DYNLRB2: variants seen among roughly 807,000 people sequenced by gnomAD.
DYNLRB2 encodes the protein bithoraxoid-like protein.
DYNLRB2 carries 14 observed loss-of-function variants against 12.6 expected under a neutral mutation model. The ratio of observed to expected loss-of-function variants is 1.11; its 90% CI spans 0.73 to 1.73. The LOEUF is 1.73. DYNLRB2 is among the 40% of genes most tolerant of loss of function. The pLI is 0.00. For synonymous variants in DYNLRB2, 53 were observed against 37.0 expected, an observed-to-expected ratio of 1.43 and a Z score of -1.57; for missense variants, 142 against 117.7, an observed-to-expected ratio of 1.21 and a Z score of -0.95.
intron 2 of DYNLRB2, among the ~76,000 whole-genome samples, chr16:80,546,785 G>A (rs368806342): frequency 6.6e-6 from 1 of 152,166 alleles, no homozygotes; most frequent in Non-Finnish European, 1.5e-5. Context: ...TATCATTTGA[G>A]TTTCATTAGA....
In DYNLRB2 at chr16:80,549,526, A is replaced by G; in HGVS notation, c.122A>G (p.Gln41Arg). The G allele has an allele frequency of 6.2e-7, 1 of 1,612,974 alleles. No individual in the cohort carries two copies. The highest frequency in any genetic ancestry group is 8.5e-7 in the Non-Finnish European group (1 of 1,179,236). The change falls in exon 3 of 4, where the codon CAA (glutamine) becomes CGA (arginine). Residue 41 changes from glutamine to arginine, a missense_variant. Coordinates refer to ENST00000305904, the MANE Select transcript of DYNLRB2 (RefSeq NM_130897.3). ...RTTLDNSTTV[Q>R]YAGLLHHLTM... ...ACCTTGGACAACTCAACAACTGTTC[A>G]ATATGCAGGCCTTCTTCATCACCTG...
upstream of DYNLRB2, chr16:80,540,783 ACAGGCC>A (rs771351866): frequency 1.1e-5 from 8 of 703,836 alleles, no homozygotes; most frequent in South Asian, 1.2e-4. Context: ...ATGGACAAAC[ACAGGCC>A]GGGAGCCTGA....
At chr16:80,549,014 G>A in intron 2 of DYNLRB2, 1 of 455,962 alleles carries the variant, frequency 2.2e-6, no homozygotes, top group Non-Finnish European at 4.4e-6. Context: ...ATGTTCAGGG[G>A]AGTGCATTTC....
Position 80,549,573 on chromosome 16 carries a change from G to C in DYNLRB2, c.169G>C (p.Val57Leu), listed in dbSNP as rs764515221. 2 of 1,612,734 alleles carry C rather than the reference G, an allele frequency of 1.2e-6. No individual in the cohort carries two copies. Among genetic ancestry groups the C allele is most frequent in the Non-Finnish European group, 1.7e-6 (2 of 1,179,156 alleles). The change falls in exon 3 of 4, where the codon GTT (valine) becomes CTT (leucine). Residue 57 changes from valine to leucine, a missense_variant. Coordinates refer to ENST00000305904, the MANE Select transcript of DYNLRB2 (RefSeq NM_130897.3). ...HHLTMKAKSTVRDIDPQNDLT... is the reference protein window; with the variant it reads ...HHLTMKAKSTLRDIDPQNDLT... ...CCTGACAATGAAAGCCAAAAGCACA[G>C]TTCGTGATATTGATCCTCAGAACGA...
chr16:80,550,667 C>G lies in DYNLRB2; in HGVS notation c.*109C>G, dbSNP rs556489308. The G allele has an allele frequency of 1.7e-4, 210 of 1,224,624 alleles. No individual in the cohort carries two copies. The African/African-American group carries it at 2.9e-3, about 17-fold the overall frequency. The allele number at this position is 1,224,624 out of a possible 1,614,324, so 75.9% of individuals were successfully genotyped here. ...TAACTGACCCTTCAAACATTCTTTT[C>G]TATTTCTATATCTAAACTGTTCTGC... is the stretch of plus-strand genomic sequence containing the variant. On this transcript the variant is annotated 3_prime_UTR_variant, in exon 4 of 4. Transcript: ENST00000305904.
intron 2 of DYNLRB2, among the ~76,000 whole-genome samples, chr16:80,548,726 C>CA (rs5818303): frequency 1.1e-3 from 140 of 128,338 alleles, no homozygotes; most frequent in Middle Eastern, 8.3e-3. Flanking sequence ...GACTCCGTCT[C>CA]AAAAAAAAAA....
At chr16:80,541,482 A>G (rs1165829949) in intron 1 of DYNLRB2, 6 of 766,436 alleles carry the variant, frequency 7.8e-6, no homozygotes, top group Non-Finnish European at 8.0e-6. Flanking sequence ...GGACAGGGAA[A>G]GCAAGGGAAT....
Position 80,549,596 on chromosome 16 carries a change from C to G in DYNLRB2, c.192C>G (p.Asn64Lys), listed in dbSNP as rs146088582. 1 of 1,612,692 alleles carries G rather than the reference C, an allele frequency of 6.2e-7. No homozygotes were observed. Among genetic ancestry groups the G allele is most frequent in the Non-Finnish European group, 8.5e-7 (1 of 1,179,054 alleles). Residue 64 changes from asparagine (N) to lysine (K), a missense_variant, in exon 3 of 4, where the codon AAC (asparagine) becomes AAG (lysine). Coordinates refer to ENST00000305904, the MANE Select transcript of DYNLRB2 (RefSeq NM_130897.3). The stretch of plus-strand genomic sequence containing the variant: ...CAGTTCGTGATATTGATCCTCAGAA[C>G]GACCTGACTTTTCTTAGGATCAGAT... ...KSTVRDIDPQ[N>K]DLTFLRIRSK...
chr16:80,546,048 G>C (rs1377398349), intron 2 of DYNLRB2, among the ~76,000 whole-genome samples: 1 of 151,982 alleles, frequency 6.6e-6, no homozygotes, highest in East Asian at 1.9e-4. Context: ...AAGGTTTCTG[G>C]GTACTTAAGA....
upstream of DYNLRB2, chr16:80,540,937 G>T (rs1909284778): frequency 6.7e-7 from 1 of 1,495,866 alleles, no homozygotes; most frequent in Admixed American, 1.9e-5. Context: ...CGAAAAAGCC[G>T]ACTCGCGAGC....
chr16:80,544,526 C>G (rs1365181886), intron 2 of DYNLRB2, among the ~76,000 whole-genome samples: 2 of 152,146 alleles, frequency 1.3e-5, no homozygotes, highest in Admixed American at 6.5e-5. Context: ...AGCCCTAGTA[C>G]GTGGATCTGG....
chr16:80,550,269 G>A (rs1053579357), intron 3 of DYNLRB2, among the ~76,000 whole-genome samples: 1 of 152,174 alleles, frequency 6.6e-6, no homozygotes, highest in Non-Finnish European at 1.5e-5. Flanking sequence ...ATCACTTGGA[G>A]GACATTTTAA....
chr16:80,541,796 G>A (rs897176022), intron 1 of DYNLRB2, among the ~76,000 whole-genome samples: 1 of 152,080 alleles, frequency 6.6e-6, no homozygotes, highest in Non-Finnish European at 1.5e-5. Context: ...GATAAATAAG[G>A]ACACAGTGGC....
In DYNLRB2 at chr16:80,549,499, C is replaced by A. The variant is rs1020817808; in HGVS notation, c.95C>A (p.Thr32Lys). 6.3e-7 allele frequency: 1 copy of A among 1,596,316 alleles called. No individual in the cohort carries two copies. Among genetic ancestry groups the A allele is most frequent in the Non-Finnish European group, 8.5e-7 (1 of 1,170,062 alleles). Residue 32 changes from threonine to lysine, a missense_variant, in exon 3 of 4, where the codon ACA (threonine) becomes AAA (lysine). Transcript: ENST00000305904. ...VVNAEGIPIR[T>K]TLDNSTTVQY... Reference sequence around the variant, plus strand: ...TTCATAATAGGTATTCCCATCCGAACAACCTTGGACAACTCAACAACTGTT... The same window carrying A: ...TTCATAATAGGTATTCCCATCCGAAAAACCTTGGACAACTCAACAACTGTT...
At chr16:80,550,460 A>T in intron 3 of DYNLRB2, 55 bp from the exon 4 acceptor site, 1 of 1,602,428 alleles carries the variant, frequency 6.2e-7, no homozygotes, top group African/African-American at 1.3e-5. Context: ...TAGTTGAAAT[A>T]TTCCTTGATT....
intron 2 of DYNLRB2, among the ~76,000 whole-genome samples, chr16:80,545,570 T>A (rs1904401668): frequency 6.6e-6 from 1 of 151,924 alleles, no homozygotes; most frequent in Admixed American, 6.6e-5. Context: ...GGTAGTGAGA[T>A]GAAAAGTGAT....
At chr16:80,546,187 A>G (rs1335849250) in intron 2 of DYNLRB2, among the ~76,000 whole-genome samples, 2 of 152,254 alleles carry the variant, frequency 1.3e-5, no homozygotes, top group African/African-American at 2.4e-5. Flanking sequence ...GGTGTAAGCT[A>G]CGTGACCAGA....
chr16:80,543,725 A>G (rs1201421236), intron 2 of DYNLRB2, among the ~76,000 whole-genome samples: 1 of 152,242 alleles, frequency 6.6e-6, no homozygotes, highest in Non-Finnish European at 1.5e-5. Context: ...AACATTATGA[A>G]CCATACAGAA....
At chr16:80,544,956 A>C (rs1185002979) in intron 2 of DYNLRB2, among the ~76,000 whole-genome samples, 1 of 152,150 alleles carries the variant, frequency 6.6e-6, no homozygotes, top group Non-Finnish European at 1.5e-5. Context: ...ATGTGACCTC[A>C]TCTTAACTAA....
Sources: gnomAD v4.1 joint callset for allele counts (sites outside exome capture counted in the v4.1 genomes callset) on GRCh38, gnomAD v4.1.1 for gene constraint, MANE v1.5 for transcripts, NCBI Gene and HGNC (gene_info 2026-07-23, HGNC 2026-07-21) for gene names.